TFDP2: variants seen among roughly 807,000 people sequenced by gnomAD.
TFDP2 encodes the protein transcription factor Dp-2 (E2F dimerization partner 2).
A neutral mutation model predicts 59.3 loss-of-function variants in TFDP2; 17 were observed. The ratio of observed to expected loss-of-function variants is 0.29; its 90% confidence interval spans 0.20 to 0.43. The LOEUF (loss-of-function observed/expected upper bound fraction) is 0.43. Among genes scored for constraint, TFDP2 ranks in the 20% least tolerant of loss-of-function variants. The pLI, the probability that TFDP2 is intolerant of heterozygous loss-of-function variation, is 1.00. For missense variants in TFDP2, 391 were observed against 528.8 expected (o/e 0.74, Z 2.56); for synonymous variants, 180 against 194.7 (o/e 0.92, Z 0.63).
At chr3:142,079,290 G>A (rs1264059293) in intron 3 of TFDP2, among the ~76,000 whole-genome samples, 1 of 151,910 alleles carries the variant, frequency 6.6e-6, no homozygotes, top group African/African-American at 2.4e-5. Context: ...GTGACAGGGC[G>A]AGACTCCATC....
chr3:141,953,071 G>A, intron 11 of TFDP2, 55 bp from the exon 12 acceptor site: 4 of 1,270,416 alleles, frequency 3.1e-6, no homozygotes, highest in Non-Finnish European at 4.6e-6. Flanking sequence ...TGTGGCTGCT[G>A]TTGTTACAGT....
chr3:142,096,424 A>AG (rs2061166437), intron 2 of TFDP2, among the ~76,000 whole-genome samples: 2 of 152,208 alleles, frequency 1.3e-5, no homozygotes, highest in African/African-American at 4.8e-5. Flanking sequence ...AATGAACAAG[A>AG]GAAAAAAGTG....
At chr3:141,966,246 C>CTATAAATCTT (rs1938043290) in intron 9 of TFDP2, among the ~76,000 whole-genome samples, 1 of 151,874 alleles carries the variant, frequency 6.6e-6, no homozygotes, top group African/African-American at 2.4e-5. Flanking sequence ...GATCTCAGCT[C>CTATAAATCTT]ACTGCAACCT....
intron 3 of TFDP2, among the ~76,000 whole-genome samples, chr3:142,058,018 A>C (rs961654106): frequency 1.3e-5 from 2 of 152,240 alleles, no homozygotes; most frequent in African/African-American, 4.8e-5. Flanking sequence ...TAAAATAGTC[A>C]CAATTATCTT....
chr3:142,018,243 C>A (rs903311794), intron 3 of TFDP2, among the ~76,000 whole-genome samples: 1 of 152,148 alleles, frequency 6.6e-6, no homozygotes, highest in African/African-American at 2.4e-5. Flanking sequence ...CGTACCAGGC[C>A]TCAATGTTTA....
intron 8 of TFDP2, among the ~76,000 whole-genome samples, chr3:141,973,122 TA>T (rs62832164): frequency 0.14 from 11,553 of 81,556 alleles, 719 homozygotes; most frequent in Middle Eastern, 0.19. Context: ...TATATATATA[TA>T]TTTTTTTTTT....
chr3:141,993,455 GCATTAAA>G, intron 6 of TFDP2, 76 bp downstream of exon 6: 1 of 788,064 alleles, frequency 1.3e-6, no homozygotes, highest in Non-Finnish European at 2.0e-6. Context: ...GAAAAACATC[GCATTAAA>G]CCAGAGCAGT....
intron 1 of TFDP2, among the ~76,000 whole-genome samples, chr3:142,143,724 T>C (rs1395415655): frequency 6.6e-6 from 1 of 152,146 alleles, no homozygotes; most frequent in Non-Finnish European, 1.5e-5. Context: ...CCAGTTAAAA[T>C]GGCTTATATC....
chr3:141,967,070 C>T (rs1938202272), intron 9 of TFDP2, among the ~76,000 whole-genome samples: 1 of 151,800 alleles, frequency 6.6e-6, no homozygotes. Flanking sequence ...GTGTGCACCA[C>T]CATGCCTGGC....
At chr3:142,001,180 C>G (rs979169522) in intron 4 of TFDP2, among the ~76,000 whole-genome samples, 1 of 152,194 alleles carries the variant, frequency 6.6e-6, no homozygotes, top group Non-Finnish European at 1.5e-5. Context: ...CTTTTGAAAT[C>G]TAGGTGGAAG....
At chr3:141,973,683 C>CTTT (rs200088518) in intron 8 of TFDP2, among the ~76,000 whole-genome samples, 3 of 132,614 alleles carry the variant, frequency 2.3e-5, no homozygotes, top group African/African-American at 8.4e-5. Flanking sequence ...CGGCTTGATC[C>CTTT]TTTTTTTTTT....
chr3:142,141,129 T>C (rs2062943964), intron 1 of TFDP2, among the ~76,000 whole-genome samples: 1 of 152,194 alleles, frequency 6.6e-6, no homozygotes, highest in African/African-American at 2.4e-5. Flanking sequence ...CTCAGACTAC[T>C]TCGCTAGCAG....
At chr3:142,046,461 C>T (rs1451503377) in intron 3 of TFDP2, among the ~76,000 whole-genome samples, 1 of 152,202 alleles carries the variant, frequency 6.6e-6, no homozygotes, top group African/African-American at 2.4e-5. Context: ...GTACCCCCAA[C>T]AAATCCACTT....
intron 4 of TFDP2, among the ~76,000 whole-genome samples, chr3:141,999,042 T>C (rs922421246): frequency 6.6e-6 from 1 of 152,210 alleles, no homozygotes; most frequent in Non-Finnish European, 1.5e-5. Flanking sequence ...GATTATCTTA[T>C]ACAGTTGACC....
chr3:142,010,544 G>T (rs1352761501), intron 3 of TFDP2, among the ~76,000 whole-genome samples: 1 of 150,874 alleles, frequency 6.6e-6, no homozygotes, highest in Non-Finnish European at 1.5e-5. Flanking sequence ...GGGAGGCAGA[G>T]GTTGCAGTGA....
intron 9 of TFDP2, among the ~76,000 whole-genome samples, chr3:141,969,851 C>T (rs1939442647): frequency 6.6e-6 from 1 of 152,178 alleles, no homozygotes; most frequent in Non-Finnish European, 1.5e-5. Flanking sequence ...GTAAGTCACA[C>T]ACAGGGCAGG....
chr3:142,108,057 A>C lies in TFDP2; in HGVS notation c.-92-6216T>G, dbSNP rs552694761. On this transcript the variant is annotated intron_variant, in intron 1 of 12. Coordinates refer to ENST00000489671, the MANE Select transcript of TFDP2 (RefSeq NM_001178139.2). ...GTTGCGTGAAAGTTGATTACATGCC[A>C]GTCAGAGCTTGCCAGCTCCCCAAAA... Among the ~76,000 whole-genome samples the C allele has an allele frequency of 5.9e-5, 9 of 152,278 alleles. No individual in the cohort carries two copies. In the South Asian group the frequency reaches 1.9e-3, roughly 32 times the overall value.
intron 3 of TFDP2, among the ~76,000 whole-genome samples, chr3:142,017,548 CTTTTTTTTTTTT>C (rs10535313): frequency 2.2e-4 from 19 of 87,214 alleles, no homozygotes; most frequent in African/African-American, 8.2e-4. Context: ...CAAAAATATT[CTTTTTTTTTTTT>C]TTTTTTTTTT....
At chr3:142,081,310 A>C (rs1321411930) in intron 3 of TFDP2, among the ~76,000 whole-genome samples, 1 of 152,158 alleles carries the variant, frequency 6.6e-6, no homozygotes, top group African/African-American at 2.4e-5. Context: ...ACAACACACC[A>C]AAACCTATGG....
Sources: gnomAD v4.1 joint callset for allele counts (sites outside exome capture counted in the v4.1 genomes callset) on GRCh38, gnomAD v4.1.1 for gene constraint, MANE v1.5 for transcripts, NCBI Gene and HGNC (gene_info 2026-07-23, HGNC 2026-07-21) for gene names.